Variants in EFCAB11 observed in about 807,000 individuals in gnomAD.
EFCAB11 encodes EF-hand calcium-binding domain-containing protein 11.
A neutral mutation model predicts 23.0 loss-of-function variants in EFCAB11; 14 were observed. The ratio of observed to expected loss-of-function variants is 0.61; its 90% CI spans 0.40 to 0.95. EFCAB11 has a LOEUF of 0.95. Ranked by LOEUF, EFCAB11 falls within the 40% of genes least tolerant of loss-of-function variation. The probability of loss-of-function intolerance (pLI) is 0.00; values close to 1 mark genes in which losing one functional copy is unlikely to be tolerated. For missense variants in EFCAB11, 198 were observed against 195.8 expected (o/e 1.01, Z -0.07); for synonymous variants, 65 against 66.6 (o/e 0.98, Z 0.11).
In EFCAB11 at chr14:89,938,919, A is replaced by G. The variant is rs191956421; in HGVS notation, c.218-6292T>C. 2.0e-5 allele frequency among the ~76,000 whole-genome samples: 3 copies of G among 151,514 alleles called. No individual in the cohort carries two copies. In the East Asian group the frequency reaches 5.8e-4, roughly 29 times the overall value. ...GCGCCACTGCACTCCAGCCTGGGCA[A>G]CAAGAGCAAAACTCCATTTCAAAAA... On this transcript the variant is annotated intron_variant, in intron 3 of 5. Coordinates refer to ENST00000316738, the MANE Select transcript of EFCAB11 (RefSeq NM_145231.4).
chr14:89,811,860 T>C (rs1321307436), intron 5 of EFCAB11, among the ~76,000 whole-genome samples: 1 of 152,214 alleles, frequency 6.6e-6, no homozygotes, highest in African/African-American at 2.4e-5. Flanking sequence ...ATTGTGGCAA[T>C]AGGAATCTAA....
intron 5 of EFCAB11, among the ~76,000 whole-genome samples, chr14:89,843,067 C>T (rs1412984339): frequency 6.6e-6 from 1 of 152,116 alleles, no homozygotes; most frequent in African/African-American, 2.4e-5. Flanking sequence ...GCTCCATGGG[C>T]AAGGTCCACT....
intron 5 of EFCAB11, among the ~76,000 whole-genome samples, chr14:89,875,717 A>G (rs551320145): frequency 6.6e-6 from 1 of 152,318 alleles, no homozygotes; most frequent in East Asian, 1.9e-4. Flanking sequence ...ACCCAGAGAA[A>G]GACGTTCAGT....
chr14:89,908,479 T>A (rs1336162550), intron 5 of EFCAB11, among the ~76,000 whole-genome samples: 1 of 152,216 alleles, frequency 6.6e-6, no homozygotes, highest in Non-Finnish European at 1.5e-5. Flanking sequence ...ACAAACTTCT[T>A]ATGCACAAAA....
chr14:89,839,791 G>T (rs1453265457), intron 5 of EFCAB11, among the ~76,000 whole-genome samples: 1 of 150,572 alleles, frequency 6.6e-6, no homozygotes, highest in East Asian at 2.0e-4. Flanking sequence ...CTGGAGCAGG[G>T]GGAAGAGAGA....
At chr14:89,927,929 G>T (rs1298579141) in intron 5 of EFCAB11, among the ~76,000 whole-genome samples, 1 of 152,056 alleles carries the variant, frequency 6.6e-6, no homozygotes, top group Admixed American at 6.6e-5. Context: ...CGCCATGTTG[G>T]CCAGGCTGGT....
chr14:89,917,597 C>T (rs1311083167), intron 5 of EFCAB11, among the ~76,000 whole-genome samples: 1 of 152,092 alleles, frequency 6.6e-6, no homozygotes, highest in Non-Finnish European at 1.5e-5. Context: ...TCAGTCTACT[C>T]CATCATTATC....
At chr14:89,800,326 C>T (rs550912584) in intron 5 of EFCAB11, among the ~76,000 whole-genome samples, 164 of 152,284 alleles carry the variant, frequency 1.1e-3, no homozygotes, top group African/African-American at 3.8e-3. Context: ...AGACTAGGTA[C>T]AGAGGAGACC....
At chr14:89,841,453 AC>A (rs892977289) in intron 5 of EFCAB11, among the ~76,000 whole-genome samples, 18 of 109,410 alleles carry the variant, frequency 1.6e-4, no homozygotes, top group African/African-American at 6.6e-4. Context: ...TCCCCGCCGC[AC>A]CCCCAGTCTG....
intron 3 of EFCAB11, 110 bp from the exon 4 acceptor site, chr14:89,932,737 T>C: frequency 1.1e-6 from 1 of 897,538 alleles, no homozygotes; most frequent in Non-Finnish European, 1.7e-6. Flanking sequence ...AATTTTATCT[T>C]AATTTTGGTG....
chr14:89,823,508 T>C (rs1185538672), intron 5 of EFCAB11, among the ~76,000 whole-genome samples: 1 of 152,182 alleles, frequency 6.6e-6, no homozygotes, highest in Non-Finnish European at 1.5e-5. Context: ...TTGTGGCAGT[T>C]TGTCATGCAG....
intron 3 of EFCAB11, among the ~76,000 whole-genome samples, chr14:89,940,761 G>A (rs1890762412): frequency 6.6e-6 from 1 of 152,020 alleles, no homozygotes; most frequent in East Asian, 1.9e-4. Flanking sequence ...CTTTTTTCTG[G>A]TTTTTAATCT....
At chr14:89,887,993 T>G (rs1024513177) in intron 5 of EFCAB11, among the ~76,000 whole-genome samples, 5 of 152,228 alleles carry the variant, frequency 3.3e-5, no homozygotes, top group Non-Finnish European at 7.3e-5. Context: ...ATATCCCAGA[T>G]GGCCCTCTAG....
Position 89,953,892 on chromosome 14 carries a change from T to A in EFCAB11, c.171+14A>T. 6.2e-7 allele frequency: 1 copy of A among 1,608,742 alleles called. No homozygotes were observed. The highest frequency in any genetic ancestry group is 8.5e-7 in the Non-Finnish European group (1 of 1,177,188). On this transcript the variant is annotated intron_variant, in intron 2 of 5. Transcript: ENST00000316738. ...ATCGTCTACCCCATCCCCAAATATA[T>A]AAGAAAGCTCTACCTTGGAGGGCTT...
intron 5 of EFCAB11, among the ~76,000 whole-genome samples, chr14:89,861,706 C>T (rs1294500520): frequency 6.6e-6 from 1 of 151,986 alleles, no homozygotes; most frequent in African/African-American, 2.4e-5. Flanking sequence ...AGGATGGGGC[C>T]CTCATGAGAG....
rs890466242 is a variant in EFCAB11 at position 89,919,185 on chromosome 14, TGA to T, written c.410+12354_410+12355del. Among the ~76,000 whole-genome samples, 27 of 138,054 alleles carry T rather than the reference TGA, an allele frequency of 2.0e-4. No homozygotes were observed. The East Asian group carries it at 2.0e-3, about 10-fold the overall frequency. The allele number at this position is 138,054 out of a possible 152,430, so 90.6% of individuals were successfully genotyped here. ...GAGATTTCTCAGACATCACACTTGA[TGA>T]GAGAGAGAGAGAGAGACAGAGAGAG... On this transcript the variant is annotated intron_variant, in intron 5 of 5. Transcript: ENST00000316738.
chr14:89,915,589 G>A (rs888471679), intron 5 of EFCAB11, among the ~76,000 whole-genome samples: 14 of 152,154 alleles, frequency 9.2e-5, no homozygotes, highest in African/African-American at 3.4e-4. Context: ...AATAAAATTA[G>A]AAATGCATTT....
chr14:89,921,072 A>AAAAAAAAAAAAAAG (rs796207560), intron 5 of EFCAB11, among the ~76,000 whole-genome samples: 21 of 147,560 alleles, frequency 1.4e-4, no homozygotes, highest in African/African-American at 5.3e-4. Flanking sequence ...CTAAAAAAAA[A>AAAAAAAAAAAAAAG]AAAAGAAAAG....
intron 5 of EFCAB11, among the ~76,000 whole-genome samples, chr14:89,839,371 C>T (rs188728875): frequency 2.6e-5 from 4 of 152,074 alleles, no homozygotes; most frequent in African/African-American, 9.7e-5. Context: ...GATGGGACAA[C>T]CAGAGAGAGG....
Sources: allele counts gnomAD v4.1 joint callset (sites outside exome capture counted in the v4.1 genomes callset), GRCh38; gene constraint gnomAD v4.1.1; transcripts MANE v1.5; gene names NCBI Gene and HGNC (gene_info 2026-07-23, HGNC 2026-07-21).